NMNAT2: variants seen among roughly 807,000 people sequenced by gnomAD.
The protein encoded by NMNAT2 is nicotinamide/nicotinic acid mononucleotide adenylyltransferase 2.
NMNAT2 carries 11 observed loss-of-function variants against 41.6 expected under a neutral mutation model. The observed-to-expected ratio is 0.26, with a 90% CI of 0.17 to 0.44. NMNAT2 has a LOEUF of 0.44. NMNAT2 is among the 20% of genes least tolerant of loss of function. The pLI is 1.00. For missense variants in NMNAT2, 288 were observed against 407.7 expected (o/e 0.71, Z 2.53); for synonymous variants, 148 against 151.2 (o/e 0.98, Z 0.16).
Position 183,252,698 on chromosome 1 carries a change from G to C in NMNAT2, c.867C>G (p.Ser289=), listed in dbSNP as rs557324760. ...HGDGHVVDYL[S]QPVIDYILKS... is the part of the protein sequence containing the mutation. Reference sequence around the variant, plus strand: ...TGAGGATGTAGTCGATGACCGGCTGGGACAGGTAATCCACAACATGGCCGT... The same window carrying C: ...TGAGGATGTAGTCGATGACCGGCTGCGACAGGTAATCCACAACATGGCCGT... Residue 289 remains serine, a synonymous_variant, in exon 11 of 11, where the codon TCC becomes TCG. Coordinates refer to ENST00000287713, the MANE Select transcript of NMNAT2 (RefSeq NM_015039.4). The C allele has an allele frequency of 1.9e-6, 3 of 1,614,088 alleles. No homozygotes were observed. The East Asian group carries it at 6.7e-5, about 36-fold the overall frequency.
chr1:183,316,682 C>T (rs1032612066), intron 1 of NMNAT2, among the ~76,000 whole-genome samples: 1 of 152,200 alleles, frequency 6.6e-6, no homozygotes, highest in African/African-American at 2.4e-5. Context: ...AGCTTGCTGC[C>T]TTCCTCAGCT....
intron 1 of NMNAT2, among the ~76,000 whole-genome samples, chr1:183,325,792 C>T (rs926144084): frequency 1.3e-5 from 2 of 152,296 alleles, no homozygotes; most frequent in Admixed American, 6.5e-5. Flanking sequence ...AAGGGTCAAA[C>T]CTATTGCCCA....
Position 183,364,753 on chromosome 1 carries a change from A to G in NMNAT2, c.85+53430T>C, listed in dbSNP as rs181587366. On this transcript the variant is annotated intron_variant, in intron 1 of 10. Transcript: ENST00000287713. Reference sequence around the variant, plus strand: ...GTCTCCCAGGCTAGAGTGCAGTGGCACGATCTTGGCTCACTGCAACCTCCA... The same window carrying G: ...GTCTCCCAGGCTAGAGTGCAGTGGCGCGATCTTGGCTCACTGCAACCTCCA... Among the ~76,000 whole-genome samples the G allele has an allele frequency of 3.6e-4, 54 of 151,690 alleles. 2 individuals carry two copies. The East Asian group carries it at 9.9e-3, about 28-fold the overall frequency.
At chr1:183,418,067 C>T (rs1406447522) in intron 1 of NMNAT2, 116 bp downstream of exon 1, 5 of 939,282 alleles carry the variant, frequency 5.3e-6, no homozygotes, top group African/African-American at 1.6e-5. Context: ...GCTGGATGAG[C>T]CGGCCCACCC....
At chr1:183,388,116 G>A (rs545220677) in intron 1 of NMNAT2, among the ~76,000 whole-genome samples, 7 of 152,318 alleles carry the variant, frequency 4.6e-5, no homozygotes, top group African/African-American at 1.4e-4. Context: ...AGAAACTACA[G>A]CCCAGGATCA....
intron 1 of NMNAT2, among the ~76,000 whole-genome samples, chr1:183,351,040 G>A (rs149836277): frequency 1.8e-3 from 278 of 152,278 alleles, no homozygotes; most frequent in Middle Eastern, 6.8e-3. Flanking sequence ...TCCCATCACC[G>A]TTATTAGCCA....
intron 1 of NMNAT2, among the ~76,000 whole-genome samples, chr1:183,301,393 T>C (rs1240788695): frequency 6.6e-6 from 1 of 152,256 alleles, no homozygotes; most frequent in African/African-American, 2.4e-5. Flanking sequence ...TTCTGCACAT[T>C]AGTAGAAAGC....
intron 2 of NMNAT2, 102 bp from the exon 3 acceptor site, chr1:183,292,959 T>G (rs986010060): frequency 9.4e-7 from 1 of 1,066,618 alleles, no homozygotes; most frequent in Non-Finnish European, 1.4e-6. Flanking sequence ...CAGCCATTTT[T>G]CAGTGGTGAG....
chr1:183,389,893 G>A (rs569123753), intron 1 of NMNAT2, among the ~76,000 whole-genome samples: 4 of 130,372 alleles, frequency 3.1e-5, no homozygotes, highest in Admixed American at 1.5e-4. Flanking sequence ...GAGGGAGGGA[G>A]GGAGGGAAGG....
chr1:183,324,335 T>C (rs1244475011), intron 1 of NMNAT2, among the ~76,000 whole-genome samples: 1 of 152,202 alleles, frequency 6.6e-6, no homozygotes, highest in African/African-American at 2.4e-5. Flanking sequence ...GCTTCTTGCA[T>C]TGACAAGGCG....
chr1:183,310,605 T>C (rs1209815886), intron 1 of NMNAT2, among the ~76,000 whole-genome samples: 1 of 152,186 alleles, frequency 6.6e-6, no homozygotes, highest in East Asian at 1.9e-4. Context: ...TCTAGAGACA[T>C]TTTTGGTTGT....
intron 1 of NMNAT2, among the ~76,000 whole-genome samples, chr1:183,409,123 G>A (rs559937880): frequency 2.6e-5 from 4 of 152,182 alleles, no homozygotes; most frequent in African/African-American, 9.6e-5. Context: ...GGGAGGCTGA[G>A]ACAGGAGGAT....
chr1:183,299,763 G>A (rs766287753), intron 1 of NMNAT2, among the ~76,000 whole-genome samples: 2 of 152,162 alleles, frequency 1.3e-5, no homozygotes, highest in African/African-American at 2.4e-5. Context: ...TAGCTTGTGG[G>A]AGATCTTTGT....
chr1:183,375,384 C>A (rs1355621903), intron 1 of NMNAT2, among the ~76,000 whole-genome samples: 1 of 152,184 alleles, frequency 6.6e-6, no homozygotes, highest in Non-Finnish European at 1.5e-5. Context: ...CAACTCCACA[C>A]CCTACTCCCC....
chr1:183,281,077 G>A (rs914007119), intron 7 of NMNAT2, among the ~76,000 whole-genome samples: 3 of 152,066 alleles, frequency 2.0e-5, no homozygotes, highest in South Asian at 2.1e-4. Flanking sequence ...GAGTCACCGC[G>A]CCCAGCCTAG....
intron 1 of NMNAT2, among the ~76,000 whole-genome samples, chr1:183,315,778 TAAAAAAAAA>T (rs11454305): frequency 7.9e-6 from 1 of 125,920 alleles, no homozygotes; most frequent in Non-Finnish European, 1.7e-5. Context: ...AGACTCCGTG[TAAAAAAAAA>T]AAAAAAAAGC....
At chr1:183,412,439 G>T (rs1164794887) in intron 1 of NMNAT2, among the ~76,000 whole-genome samples, 1 of 152,196 alleles carries the variant, frequency 6.6e-6, no homozygotes, top group Non-Finnish European at 1.5e-5. Context: ...TAGCCAGGAT[G>T]GTCTCGATCT....
At chr1:183,290,262 T>C (rs932578845) in intron 3 of NMNAT2, 56 bp from the exon 4 acceptor site, 3 of 1,391,688 alleles carry the variant, frequency 2.2e-6, no homozygotes, top group Non-Finnish European at 3.0e-6. Context: ...TCTTTCCTTA[T>C]TGTTACCTTC....
chr1:183,348,233 C>G (rs1484231938), intron 1 of NMNAT2, among the ~76,000 whole-genome samples: 1 of 151,768 alleles, frequency 6.6e-6, no homozygotes, highest in Non-Finnish European at 1.5e-5. Flanking sequence ...TTTTCTGGTC[C>G]CTTGAATAAG....
Sources: allele counts gnomAD v4.1 joint callset (sites outside exome capture counted in the v4.1 genomes callset), GRCh38; gene constraint gnomAD v4.1.1; transcripts MANE v1.5; gene names NCBI Gene and HGNC (gene_info 2026-07-23, HGNC 2026-07-21).